DCAF5: variants seen among roughly 807,000 people sequenced by gnomAD.
DCAF5 encodes the protein DDB1- and CUL4-associated factor 5.
Under a neutral mutation model 80.7 loss-of-function variants are expected in DCAF5, and 9 were observed. The ratio of observed to expected loss-of-function variants is 0.11; its 90% CI spans 0.07 to 0.19. The LOEUF is 0.19. DCAF5 is among the 10% of genes least tolerant of loss of function. DCAF5 has a pLI of 1.00. For missense variants in DCAF5, 842 were observed against 1,205.7 expected, an observed-to-expected ratio of 0.70 and a Z score of 4.47; for synonymous variants, 433 against 461.9, an observed-to-expected ratio of 0.94 and a Z score of 0.80.
rs796107795 is a variant in DCAF5 at position 69,115,125 on chromosome 14, G to A, written c.665+1241C>T. 1.6e-4 allele frequency among the ~76,000 whole-genome samples: 24 copies of A among 152,308 alleles called. 1 individual carries two copies. The highest frequency in any genetic ancestry group is 3.4e-3 in the Middle Eastern group (1 of 294). ...TGAAGTAGCAGAGAACACTGCAGAT[G>A]AACACAGTTGTCTTCTTGGCAGACA... On this transcript the variant is annotated intron_variant, in intron 5 of 8. Coordinates refer to ENST00000341516, the MANE Select transcript of DCAF5 (RefSeq NM_003861.3).
chr14:69,142,115 T>C (rs1249481005), intron 1 of DCAF5, among the ~76,000 whole-genome samples: 1 of 152,114 alleles, frequency 6.6e-6, no homozygotes, highest in Admixed American at 6.6e-5. Context: ...GGCAAAATAG[T>C]GAGATCCTGT....
chr14:69,053,881 G>A lies in DCAF5; in HGVS notation c.2805C>T (p.Ser935=). The change falls in exon 9 of 9, where the codon TCC becomes TCT. Residue 935 remains serine (S), a synonymous_variant. Transcript: ENST00000341516. ...ATCATGTTTTTAATTTCTTCTCTGA[G>A]GAGGAATTCTCTGAATCTGTATCTT... ...ELEDTDSENS[S]SEKKLKT 1 of 1,607,274 alleles carries A rather than the reference G, an allele frequency of 6.2e-7. No homozygotes were observed. The highest frequency in any genetic ancestry group is 8.5e-7 in the Non-Finnish European group (1 of 1,178,648).
chr14:69,090,105 T>C (rs1268955576), intron 6 of DCAF5: 1 of 985,178 alleles, frequency 1.0e-6, no homozygotes, highest in Non-Finnish European at 1.2e-6. Context: ...CATGCTCTAT[T>C]ATTCAACAAA....
At chr14:69,070,939 G>C (rs183410877) in intron 7 of DCAF5, among the ~76,000 whole-genome samples, 3 of 151,896 alleles carry the variant, frequency 2.0e-5, no homozygotes, top group African/African-American at 7.3e-5. Flanking sequence ...CTGGGATGAT[G>C]GGTGTGCACC....
chr14:69,148,879 A>G (rs776738792), intron 1 of DCAF5, among the ~76,000 whole-genome samples: 1 of 152,210 alleles, frequency 6.6e-6, no homozygotes, highest in Non-Finnish European at 1.5e-5. Context: ...TGACTGGTAG[A>G]GCCTCCAACT....
intron 5 of DCAF5, 148 bp from the exon 6 acceptor site, chr14:69,092,035 T>C: frequency 6.3e-6 from 4 of 637,848 alleles, no homozygotes; most frequent in Non-Finnish European, 8.1e-6. Flanking sequence ...ATAATGAGGG[T>C]AGCAACGCTT....
Position 69,111,749 on chromosome 14 carries a change from C to G in DCAF5, c.665+4617G>C, listed in dbSNP as rs539298148. The stretch of plus-strand genomic sequence containing the variant: ...TGAGAAAGGAGGTTACCTGTGAAAA[C>G]AGCAGAAATCATCTAAATGAAATAA... On this transcript the variant is annotated intron_variant, in intron 5 of 8. Transcript: ENST00000341516. Among the ~76,000 whole-genome samples the G allele has an allele frequency of 2.0e-5, 3 of 152,308 alleles. No individual in the cohort carries two copies. The East Asian group carries it at 5.8e-4, about 29-fold the overall frequency.
intron 5 of DCAF5, among the ~76,000 whole-genome samples, chr14:69,093,536 A>G (rs1594983012): frequency 6.6e-6 from 1 of 152,182 alleles, no homozygotes; most frequent in East Asian, 1.9e-4. Context: ...TTTTTTGCCA[A>G]GAGAATGGTG....
At chr14:69,088,988 G>GT (rs2039437707) in intron 6 of DCAF5, among the ~76,000 whole-genome samples, 1 of 24,950 alleles carries the variant, frequency 4.0e-5, no homozygotes, top group African/African-American at 7.7e-5. Context: ...GACTTCTTGT[G>GT]CACACTTAAA....
Position 69,055,048 on chromosome 14 carries a change from G to A in DCAF5, c.1638C>T (p.Leu546=), listed in dbSNP as rs2139823051. The part of the protein sequence containing the change: ...NVCEVELDTD[L]FPRPRSPSPE... ...GGCTGGGTGACCGTGGCCGGGGAAA[G>A]AGATCTGTGTCTAGTTCCACCTCAC... Residue 546 remains leucine, a synonymous_variant, in exon 9 of 9, where the codon CTC becomes CTT. Coordinates refer to ENST00000341516, the MANE Select transcript of DCAF5 (RefSeq NM_003861.3). This position sits in a 1 kb window ranked among gnomAD's most constrained non-coding sequence, Gnocchi z 5.6. 6 of 1,614,268 alleles carry A rather than the reference G, an allele frequency of 3.7e-6. No homozygotes were observed. The highest frequency in any genetic ancestry group is 5.1e-6 in the Non-Finnish European group (6 of 1,180,054).
chr14:69,076,618 G>C (rs923673901), intron 6 of DCAF5, among the ~76,000 whole-genome samples: 2 of 152,200 alleles, frequency 1.3e-5, no homozygotes, highest in African/African-American at 4.8e-5. Flanking sequence ...GTTGCCAGGA[G>C]CTAAGAGGAG....
At chr14:69,109,346 A>AT in intron 5 of DCAF5, among the ~76,000 whole-genome samples, 1 of 152,100 alleles carries the variant, frequency 6.6e-6, no homozygotes, top group East Asian at 1.9e-4. Context: ...CTCAAAAAAA[A>AT]AAAAAAAGAT....
Position 69,052,229 on chromosome 14 carries a change from A to AC in DCAF5, c.*1627dup, listed in dbSNP as rs35686850. On this transcript the variant is annotated 3_prime_UTR_variant, in exon 9 of 9. Transcript: ENST00000341516. The stretch of plus-strand genomic sequence containing the variant: ...ACCAACCACCTTGTGTTTATAAATA[A>AC]CCCCCCCACCCCCAGTGCCTGAATT... The AC allele has an allele frequency of 7.9e-5, 12 of 151,446 alleles. No homozygotes were observed. The highest frequency in any genetic ancestry group is 2.1e-4 in the South Asian group (1 of 4,732). 9.4% of individuals were successfully genotyped at this position (151,446 alleles called of 1,614,324 possible).
At chr14:69,091,178 G>C (rs2039521100) in intron 6 of DCAF5, 4 of 715,340 alleles carry the variant, frequency 5.6e-6, no homozygotes, top group Non-Finnish European at 7.7e-6. Context: ...AAGAAAAAGA[G>C]TCAGCATCTG....
Position 69,141,136 on chromosome 14 carries a change from AT to A in DCAF5, c.214+11628del, listed in dbSNP as rs940700068. On this transcript the variant is annotated intron_variant, in intron 1 of 8. Transcript: ENST00000341516. ...GCCACAGAGCGAGACTCCATCTCAA[AT>A]TTAAAAAAAAAAAAAAAAAAAAAAA... Among the ~76,000 whole-genome samples, 133 of 124,726 alleles carry A rather than the reference AT, an allele frequency of 1.1e-3. 2 individuals carry two copies. Among genetic ancestry groups the A allele is most frequent in the African/African-American group, 4.1e-3 (125 of 30,724 alleles). 81.8% of individuals were successfully genotyped at this position (124,726 alleles called of 152,430 possible).
intron 6 of DCAF5, among the ~76,000 whole-genome samples, chr14:69,087,456 G>C (rs75434331): frequency 0.042 from 6,449 of 152,238 alleles, 171 homozygotes; most frequent in African/African-American, 0.076. Context: ...CTAGAAGGTA[G>C]GCTTGCTTTA....
chr14:69,063,889 C>G (rs951980379), intron 7 of DCAF5, among the ~76,000 whole-genome samples: 23 of 152,176 alleles, frequency 1.5e-4, no homozygotes, highest in African/African-American at 5.1e-4. Flanking sequence ...CAAAATTTTT[C>G]TCCATATTTG....
intron 1 of DCAF5, among the ~76,000 whole-genome samples, chr14:69,129,413 A>C (rs2040972641): frequency 6.6e-6 from 1 of 152,226 alleles, no homozygotes; most frequent in African/African-American, 2.4e-5. Context: ...AAATTGAGGC[A>C]TAATGTAAAA....
chr14:69,110,082 T>A (rs547274822), intron 5 of DCAF5, among the ~76,000 whole-genome samples: 20 of 152,350 alleles, frequency 1.3e-4, no homozygotes, highest in African/African-American at 4.6e-4. Flanking sequence ...TCAGTACTTT[T>A]CAAATGCTTA....
Sources: gnomAD v4.1 joint callset for allele counts (sites outside exome capture counted in the v4.1 genomes callset) on GRCh38, gnomAD v4.1.1 for gene constraint, Gnocchi (gnomAD v3.1) non-coding constraint, MANE v1.5 for transcripts, NCBI Gene and HGNC (gene_info 2026-07-23, HGNC 2026-07-21) for gene names.